Variants in ZNF277 observed in about 807,000 individuals in gnomAD.
The protein encoded by ZNF277 is nuclear receptor-interacting factor 4.
A neutral mutation model predicts 60.7 loss-of-function variants in ZNF277; 55 were observed. The observed-to-expected ratio is 0.91, with a 90% CI of 0.73 to 1.13. ZNF277 has a LOEUF of 1.13. Ranked by LOEUF, ZNF277 falls within the 50% of genes most tolerant of loss-of-function variation. ZNF277 has a pLI of 0.00. For missense variants in ZNF277, 510 were observed against 523.0 expected (o/e 0.98, Z 0.24); for synonymous variants, 178 against 179.3 (o/e 0.99, Z 0.06).
intron 1 of ZNF277, among the ~76,000 whole-genome samples, chr7:112,273,773 T>C (rs532284578): frequency 2.0e-4 from 31 of 152,304 alleles, no homozygotes; most frequent in African/African-American, 7.2e-4. Context: ...ATGTGGTTAT[T>C]TGAGGTTAAG....
chr7:112,308,596 G>A (rs1377484591), intron 4 of ZNF277, among the ~76,000 whole-genome samples: 1 of 152,000 alleles, frequency 6.6e-6, no homozygotes, highest in East Asian at 1.9e-4. Flanking sequence ...TAGGAGGGCG[G>A]ATGAGGATTA....
At chr7:112,260,495 C>A (rs1035569607) in intron 1 of ZNF277, among the ~76,000 whole-genome samples, 25 of 152,152 alleles carry the variant, frequency 1.6e-4, no homozygotes, top group African/African-American at 6.0e-4. Flanking sequence ...TCTCTCAAAA[C>A]ACATTTTAAT....
chr7:112,292,157 C>T (rs1223632391), intron 2 of ZNF277, among the ~76,000 whole-genome samples: 2 of 152,168 alleles, frequency 1.3e-5, no homozygotes, highest in African/African-American at 4.8e-5. Context: ...TTGAAGTAAA[C>T]TCTGATGGAA....
chr7:112,326,750 C>A (rs1348990466), intron 5 of ZNF277, among the ~76,000 whole-genome samples: 2 of 151,386 alleles, frequency 1.3e-5, no homozygotes, highest in Admixed American at 1.3e-4. Context: ...TGGGGGGGGA[C>A]CAGGTAAGTG....
At chr7:112,219,818 G>C (rs544307372) in intron 1 of ZNF277, among the ~76,000 whole-genome samples, 18 of 152,076 alleles carry the variant, frequency 1.2e-4, no homozygotes, top group Non-Finnish European at 2.1e-4. Flanking sequence ...AAAATTTTTT[G>C]TAGAGGGAGA....
In ZNF277 at chr7:112,286,987, T is replaced by G. The variant is rs1792083870; in HGVS notation, c.206T>G (p.Val69Gly). ...ATTTTCTGTGAAGAACATTTTCCTG[T>G]GGCTGAACAAGACAAACTTCTGAAG... is the stretch of plus-strand genomic sequence containing the variant. ...PCIFCEEHFP[V>G]AEQDKLLKHM... The change falls in exon 2 of 12, where the codon GTG becomes GGG. Residue 69 changes from valine (V) to glycine (G), a missense_variant. By Grantham distance (109) the Val-to-Gly change is moderately radical (BLOSUM62 -3). Transcript: ENST00000361822. 2 of 1,614,004 alleles carry G rather than the reference T, an allele frequency of 1.2e-6. No individual in the cohort carries two copies.
chr7:112,343,400 T>A lies in ZNF277; in HGVS notation c.*671T>A, dbSNP rs1246144653. ...TCACTAACATTTAAATGCCATTTTT[T>A]AAAAACATAACCACAATACCATTAT... On this transcript the variant is annotated 3_prime_UTR_variant, in exon 12 of 12. Transcript: ENST00000361822. Among the ~76,000 whole-genome samples the A allele has an allele frequency of 6.6e-6, 1 of 152,180 alleles. No individual in the cohort carries two copies. The highest frequency in any genetic ancestry group is 1.5e-5 in the Non-Finnish European group (1 of 68,026).
At chr7:112,246,531 A>T (rs1182521135) in intron 1 of ZNF277, among the ~76,000 whole-genome samples, 1 of 152,162 alleles carries the variant, frequency 6.6e-6, no homozygotes, top group African/African-American at 2.4e-5. Flanking sequence ...ATGAGAAGAA[A>T]AGCCTTTGAG....
chr7:112,234,566 A>AC (rs1378191576), intron 1 of ZNF277, among the ~76,000 whole-genome samples: 1 of 152,118 alleles, frequency 6.6e-6, no homozygotes, highest in African/African-American at 2.4e-5. Flanking sequence ...TTTTAAGGGG[A>AC]CCATTCAGAC....
intron 1 of ZNF277, among the ~76,000 whole-genome samples, chr7:112,220,194 T>C (rs77598132): frequency 0.013 from 1,920 of 152,330 alleles, 50 homozygotes; most frequent in African/African-American, 0.043. Flanking sequence ...GGCATATCTT[T>C]CCTTTTATTT....
At chr7:112,314,816 C>G (rs1792808029) in intron 4 of ZNF277, among the ~76,000 whole-genome samples, 1 of 151,942 alleles carries the variant, frequency 6.6e-6, no homozygotes, top group African/African-American at 2.4e-5. Context: ...ACAAAACAAC[C>G]TAGGTTGGAA....
intron 6 of ZNF277, 62 bp from the exon 7 acceptor site, chr7:112,330,018 TAATA>T (rs1439749616): frequency 6.6e-7 from 1 of 1,525,010 alleles, no homozygotes; most frequent in Non-Finnish European, 8.8e-7. Context: ...AACTCAATAA[TAATA>T]AAGGATTATT....
intron 11 of ZNF277, among the ~76,000 whole-genome samples, chr7:112,341,593 T>G (rs1245438417): frequency 6.6e-6 from 1 of 152,252 alleles, no homozygotes; most frequent in Non-Finnish European, 1.5e-5. Context: ...GTATATATTT[T>G]GTATATTGGC....
chr7:112,330,203 T>A lies in ZNF277; in HGVS notation c.788T>A (p.Val263Asp), dbSNP rs1056039861. The change falls in exon 7 of 12, where the codon GTC becomes GAC. Residue 263 changes from valine (V) to aspartate (D), a missense_variant. Physicochemically the swap from Val to Asp is radical, Grantham distance 152 (BLOSUM62 -3). Transcript: ENST00000361822. ...AACAGAGAATATGACAGATTTTATGTCATCAATTATTTGGTAAGGCTTTCT... is the reference window on the plus strand; with the variant it reads ...AACAGAGAATATGACAGATTTTATGACATCAATTATTTGGTAAGGCTTTCT... ...PKNREYDRFY[V>D]INYLELGKSW... 7 of 1,612,562 alleles carry A rather than the reference T, an allele frequency of 4.3e-6. No individual in the cohort carries two copies. In the Admixed American group the frequency reaches 5.0e-5, roughly 12 times the overall value.
At chr7:112,251,195 C>T (rs991937124) in intron 1 of ZNF277, among the ~76,000 whole-genome samples, 1 of 152,170 alleles carries the variant, frequency 6.6e-6, no homozygotes, top group African/African-American at 2.4e-5. Context: ...TTTTTCTCTT[C>T]TCAGTTTGCT....
chr7:112,239,195 C>A (rs1440844454), intron 1 of ZNF277, among the ~76,000 whole-genome samples: 3 of 151,994 alleles, frequency 2.0e-5, no homozygotes, highest in Non-Finnish European at 4.4e-5. Flanking sequence ...CTTTCTCTTG[C>A]AACTTGGGTA....
intron 2 of ZNF277, chr7:112,287,848 AT>A (rs968635985): frequency 5.3e-5 from 8 of 151,570 alleles, no homozygotes; most frequent in African/African-American, 2.0e-4. Flanking sequence ...CTTTAAAAAA[AT>A]CTTTACATTA....
rs1226383928 is a variant in ZNF277, at chr7:112,343,293, A to T, written c.*564A>T. Among the ~76,000 whole-genome samples the T allele has an allele frequency of 3.3e-5, 5 of 152,220 alleles. No individual in the cohort carries two copies. Among genetic ancestry groups the T allele is most frequent in the Non-Finnish European group, 7.3e-5 (5 of 68,038 alleles). On this transcript the variant is annotated 3_prime_UTR_variant, in exon 12 of 12. Coordinates refer to ENST00000361822, the MANE Select transcript of ZNF277 (RefSeq NM_021994.3). ...ACAATCAAGAGCTGACTGTGTTATT[A>T]CCACTTTCTGCCTAGGGTGGCCAAA...
At chr7:112,230,569 A>G (rs1030487304) in intron 1 of ZNF277, among the ~76,000 whole-genome samples, 1 of 152,186 alleles carries the variant, frequency 6.6e-6, no homozygotes, top group Non-Finnish European at 1.5e-5. Context: ...TCCACACTAG[A>G]AGAATCATCT....
Sources: gnomAD v4.1 joint callset for allele counts (sites outside exome capture counted in the v4.1 genomes callset) on GRCh38, gnomAD v4.1.1 for gene constraint, MANE v1.5 for transcripts, NCBI Gene and HGNC (gene_info 2026-07-23, HGNC 2026-07-21) for gene names.